Variants in ATXN7L1 observed in about 807,000 individuals in gnomAD.
The protein encoded by ATXN7L1 is ataxin-7-like protein 1.
A neutral mutation model predicts 70.8 loss-of-function variants in ATXN7L1; 15 were observed. The ratio of observed to expected loss-of-function variants is 0.21; its 90% CI spans 0.14 to 0.33. The LOEUF is 0.33. Among genes scored for constraint, ATXN7L1 ranks in the 10% least tolerant of loss-of-function variants. ATXN7L1 has a pLI of 1.00. For synonymous variants in ATXN7L1, 440 were observed against 445.1 expected, an observed-to-expected ratio of 0.99 and a Z score of 0.14; for missense variants, 975 against 1,097.1, an observed-to-expected ratio of 0.89 and a Z score of 1.57.
At chr7:105,720,659 C>A (rs147491474) in intron 3 of ATXN7L1, among the ~76,000 whole-genome samples, 1 of 152,006 alleles carries the variant, frequency 6.6e-6, no homozygotes, top group African/African-American at 2.4e-5. Context: ...TTGGTAGAGA[C>A]GGGGTCTCAA....
At chr7:105,807,899 A>G (rs1807851896) in intron 2 of ATXN7L1, among the ~76,000 whole-genome samples, 3 of 152,252 alleles carry the variant, frequency 2.0e-5, no homozygotes, top group Non-Finnish European at 4.4e-5. Context: ...GTCTTAAGCC[A>G]TCAAGTTTTG....
intron 3 of ATXN7L1, among the ~76,000 whole-genome samples, chr7:105,673,633 C>A (rs1289600708): frequency 6.6e-6 from 1 of 152,246 alleles, no homozygotes; most frequent in Non-Finnish European, 1.5e-5. Context: ...AAGGGGCCTT[C>A]TTCCAAAAGT....
intron 6 of ATXN7L1, among the ~76,000 whole-genome samples, chr7:105,639,103 G>C (rs930354825): frequency 3.3e-4 from 50 of 152,262 alleles, no homozygotes; most frequent in Non-Finnish European, 5.9e-4. Context: ...GATCAGGGGC[G>C]CGGCATATCA....
intron 2 of ATXN7L1, among the ~76,000 whole-genome samples, chr7:105,799,437 A>G (rs1244110710): frequency 1.3e-5 from 2 of 151,962 alleles, no homozygotes; most frequent in African/African-American, 4.8e-5. Flanking sequence ...CTGAGACTAG[A>G]GTTCAGGAAT....
rs565647035 is a variant in ATXN7L1, at chr7:105,818,407, C to T, written c.251-29699G>A. On this transcript the variant is annotated intron_variant, in intron 2 of 11. Coordinates refer to ENST00000419735, the MANE Select transcript of ATXN7L1 (RefSeq NM_020725.2). ...GGATCCTCATGGGATCCTCCCACCTCGGCCTCCCAAAGTGCTGGGATTACA... is the reference window on the plus strand; with the variant it reads ...GGATCCTCATGGGATCCTCCCACCTTGGCCTCCCAAAGTGCTGGGATTACA... Among the ~76,000 whole-genome samples, 5 of 152,272 alleles carry T rather than the reference C, an allele frequency of 3.3e-5. No homozygotes were observed. In the South Asian group the frequency reaches 6.2e-4, roughly 19 times the overall value.
chr7:105,709,691 A>G (rs1793640362), intron 3 of ATXN7L1, among the ~76,000 whole-genome samples: 1 of 152,162 alleles, frequency 6.6e-6, no homozygotes, highest in Admixed American at 6.5e-5. Context: ...ATCACCAGAA[A>G]GGCTTGCCTA....
chr7:105,737,528 C>CGT (rs71520935), intron 3 of ATXN7L1, among the ~76,000 whole-genome samples: 4,521 of 148,486 alleles, frequency 0.03, 68 homozygotes, highest in African/African-American at 0.043. Flanking sequence ...CTAACGTCCC[C>CGT]GTGTGTGTGT....
intron 2 of ATXN7L1, among the ~76,000 whole-genome samples, chr7:105,826,348 T>C (rs1335397775): frequency 6.6e-6 from 1 of 152,210 alleles, no homozygotes; most frequent in Non-Finnish European, 1.5e-5. Context: ...CTCAGTTGCT[T>C]CATCTATAAA....
intron 3 of ATXN7L1, among the ~76,000 whole-genome samples, chr7:105,683,847 G>T (rs1399120957): frequency 2.6e-5 from 4 of 152,132 alleles, no homozygotes; most frequent in Non-Finnish European, 1.5e-5. Context: ...GTTCATCCCT[G>T]ATACAGCCGC....
intron 3 of ATXN7L1, among the ~76,000 whole-genome samples, chr7:105,770,383 C>T (rs1318409626): frequency 3.9e-5 from 6 of 152,202 alleles, no homozygotes; most frequent in African/African-American, 9.7e-5. Context: ...AATGGATACC[C>T]GTTAAGAGGA....
intron 3 of ATXN7L1, among the ~76,000 whole-genome samples, chr7:105,727,746 GTATATATATATATATA>G (rs1232202676): frequency 2.3e-4 from 13 of 55,344 alleles, no homozygotes; most frequent in Middle Eastern, 0.013. Context: ...GTGTATGTGT[GTATATATATATATATA>G]TATATATATA....
At chr7:105,653,564 C>T (rs1800174399) in intron 4 of ATXN7L1, among the ~76,000 whole-genome samples, 3 of 152,252 alleles carry the variant, frequency 2.0e-5, no homozygotes, top group Admixed American at 6.5e-5. Flanking sequence ...CCAAAGTCCA[C>T]CTCTTAAACA....
intron 3 of ATXN7L1, among the ~76,000 whole-genome samples, chr7:105,683,729 A>G (rs868363959): frequency 6.6e-6 from 1 of 152,042 alleles, no homozygotes; most frequent in African/African-American, 2.4e-5. Flanking sequence ...GCCACTACCA[A>G]TGCCACCACA....
chr7:105,633,482 C>T (rs1796908604), intron 7 of ATXN7L1, among the ~76,000 whole-genome samples: 1 of 152,148 alleles, frequency 6.6e-6, no homozygotes, highest in Non-Finnish European at 1.5e-5. Flanking sequence ...CTTTGGGAGG[C>T]TGAGGTGGGT....
chr7:105,705,659 C>T (rs1793067641), intron 3 of ATXN7L1, among the ~76,000 whole-genome samples: 1 of 152,200 alleles, frequency 6.6e-6, no homozygotes, highest in East Asian at 1.9e-4. Context: ...AACTGAGAGC[C>T]TTTTGTTTCA....
At chr7:105,736,752 A>T (rs1053548180) in intron 3 of ATXN7L1, among the ~76,000 whole-genome samples, 5 of 152,220 alleles carry the variant, frequency 3.3e-5, no homozygotes, top group South Asian at 2.1e-4. Flanking sequence ...AGACTAATTA[A>T]ATCAGGATCT....
chr7:105,875,703 G>T, intron 2 of ATXN7L1, 109 bp downstream of exon 2: 5 of 921,194 alleles, frequency 5.4e-6, no homozygotes, highest in Admixed American at 2.9e-5. Context: ...CTCAATTTTT[G>T]ACAAGCCTTA....
chr7:105,668,124 G>A (rs948999378), intron 3 of ATXN7L1, among the ~76,000 whole-genome samples: 9 of 152,190 alleles, frequency 5.9e-5, no homozygotes, highest in Non-Finnish European at 1.0e-4. Context: ...TCACAAGGAA[G>A]TGTGCCATGA....
intron 3 of ATXN7L1, among the ~76,000 whole-genome samples, chr7:105,692,427 T>TCCCTCCCTCCTTCCTTCCTTCCTCCCG (rs1791104984): frequency 1.4e-5 from 1 of 72,878 alleles, no homozygotes; most frequent in African/African-American, 5.7e-5. Flanking sequence ...CCTTCCTTCC[T>TCCCTCCCTCCTTCCTTCCTTCCTCCCG]CCCTCCCTCC....
Sources: allele counts gnomAD v4.1 joint callset (sites outside exome capture counted in the v4.1 genomes callset), GRCh38; gene constraint gnomAD v4.1.1; transcripts MANE v1.5; gene names NCBI Gene and HGNC (gene_info 2026-07-23, HGNC 2026-07-21).